The following KCNJ6 variants were observed in gnomAD, a reference collection of about 807,000 sequenced individuals.
The protein encoded by KCNJ6 is potassium inwardly rectifying channel subfamily J member 6, also known as G protein-activated inward rectifier potassium channel 2.
Under a neutral mutation model 34.2 loss-of-function variants are expected in KCNJ6, and 9 were observed. The ratio of observed to expected loss-of-function variants is 0.26; its 90% confidence interval spans 0.16 to 0.46. The LOEUF is 0.46. KCNJ6 is among the 20% of genes least tolerant of loss of function. The probability of loss-of-function intolerance (pLI) is 1.00; values close to 1 mark genes in which losing one functional copy is unlikely to be tolerated. For synonymous variants in KCNJ6, 196 were observed against 207.1 expected (o/e 0.95, Z 0.46); for missense variants, 236 against 531.3 (o/e 0.44, Z 5.46).
At chr21:37,641,389 G>C (rs76080449) in intron 3 of KCNJ6, among the ~76,000 whole-genome samples, 1 of 151,926 alleles carries the variant, frequency 6.6e-6, no homozygotes, top group African/African-American at 2.4e-5. Context: ...CTTGGCCCTC[G>C]GATTCATTGG....
intron 3 of KCNJ6, among the ~76,000 whole-genome samples, chr21:37,711,565 G>A (rs1189783049): frequency 6.6e-6 from 1 of 152,350 alleles, no homozygotes; most frequent in Middle Eastern, 3.4e-3. Context: ...TTCCTCGAGT[G>A]TGCATTTGGT....
intron 2 of KCNJ6, among the ~76,000 whole-genome samples, chr21:37,733,030 A>G (rs553813048): frequency 8.1e-4 from 124 of 152,332 alleles, no homozygotes; most frequent in Middle Eastern, 3.4e-3. Context: ...ATTTCTCTGC[A>G]TCATTTTCCC....
intron 2 of KCNJ6, among the ~76,000 whole-genome samples, chr21:37,822,809 AT>A (rs1221761960): frequency 2.0e-5 from 3 of 152,178 alleles, no homozygotes; most frequent in African/African-American, 7.2e-5. Flanking sequence ...TTTAATAAAT[AT>A]TTAGATTGGG....
intron 1 of KCNJ6, among the ~76,000 whole-genome samples, chr21:37,890,762 G>A (rs1262938315): frequency 2.6e-5 from 4 of 152,124 alleles, no homozygotes; most frequent in Admixed American, 2.0e-4. Context: ...ACAGACATGG[G>A]GAGTGCATCA....
intron 1 of KCNJ6, among the ~76,000 whole-genome samples, chr21:37,845,389 T>TGGC (rs1318586552): frequency 6.6e-6 from 1 of 152,144 alleles, no homozygotes; most frequent in South Asian, 2.1e-4. Flanking sequence ...GTAGAGAGAG[T>TGGC]GGCGGGGAGA....
intron 3 of KCNJ6, among the ~76,000 whole-genome samples, chr21:37,707,735 G>GTGTGTGTGTATATGTGTGCATGTGTATCC (rs1267356647): frequency 6.7e-6 from 1 of 149,680 alleles, no homozygotes; most frequent in Admixed American, 6.7e-5. Context: ...GTGTGTGTGT[G>GTGTGTGTGTATATGTGTGCATGTGTATCC]AATAATTTAC....
At chr21:37,794,191 T>C (rs1213354072) in intron 2 of KCNJ6, among the ~76,000 whole-genome samples, 1 of 152,232 alleles carries the variant, frequency 6.6e-6, no homozygotes, top group Non-Finnish European at 1.5e-5. Flanking sequence ...ACTTCACTGT[T>C]TTAAAGTGCT....
chr21:37,907,117 T>C (rs934971402), intron 1 of KCNJ6, among the ~76,000 whole-genome samples: 3 of 152,202 alleles, frequency 2.0e-5, no homozygotes, highest in Admixed American at 6.5e-5. Flanking sequence ...TGTAAGGTGA[T>C]GCAAAAACCT....
At chr21:37,885,256 C>T (rs2055729645) in intron 1 of KCNJ6, among the ~76,000 whole-genome samples, 1 of 152,088 alleles carries the variant, frequency 6.6e-6, no homozygotes, top group Non-Finnish European at 1.5e-5. Context: ...TGGTGGGGAG[C>T]AGAGGAAAGG....
intron 2 of KCNJ6, among the ~76,000 whole-genome samples, chr21:37,788,805 C>T (rs2123519661): frequency 6.6e-6 from 1 of 152,262 alleles, no homozygotes; most frequent in East Asian, 1.9e-4. Context: ...CCTGCCAAGA[C>T]TAGAAGAAGA....
intron 3 of KCNJ6, among the ~76,000 whole-genome samples, chr21:37,701,341 T>C (rs2054689796): frequency 6.6e-6 from 1 of 152,162 alleles, no homozygotes; most frequent in East Asian, 1.9e-4. Flanking sequence ...CCTGGAGTTA[T>C]TCCCATTGCC....
At chr21:37,847,599 T>A (rs1360708961) in intron 1 of KCNJ6, among the ~76,000 whole-genome samples, 1 of 152,244 alleles carries the variant, frequency 6.6e-6, no homozygotes, top group Non-Finnish European at 1.5e-5. Flanking sequence ...GCTTTACACC[T>A]GCCTTCAGAG....
chr21:37,770,550 G>A (rs2055113156), intron 2 of KCNJ6, among the ~76,000 whole-genome samples: 1 of 152,116 alleles, frequency 6.6e-6, no homozygotes, highest in South Asian at 2.1e-4. Flanking sequence ...GCATCTCTTA[G>A]TACTATCAAG....
intron 1 of KCNJ6, among the ~76,000 whole-genome samples, chr21:37,862,584 G>A (rs1432484322): frequency 1.3e-5 from 2 of 152,180 alleles, no homozygotes; most frequent in Non-Finnish European, 2.9e-5. Context: ...CTTCTATCTG[G>A]GCAGCCACCT....
chr21:37,810,445 CA>C (rs2055317071), intron 2 of KCNJ6, among the ~76,000 whole-genome samples: 1 of 152,170 alleles, frequency 6.6e-6, no homozygotes, highest in African/African-American at 2.4e-5. Context: ...AGGTTTGATC[CA>C]CATTGCCAAG....
chr21:37,803,493 A>G (rs560429349), intron 2 of KCNJ6, among the ~76,000 whole-genome samples: 5 of 152,326 alleles, frequency 3.3e-5, no homozygotes, highest in South Asian at 4.1e-4. Context: ...AGCATTTATC[A>G]TAATTCCTGA....
intron 3 of KCNJ6, among the ~76,000 whole-genome samples, chr21:37,707,739 A>ATGTGTGTGCATGTGTATCC (rs1556022161): frequency 2.9e-4 from 1 of 3,460 alleles, no homozygotes; most frequent in Non-Finnish European, 5.5e-4. Flanking sequence ...GTGTGTGAAT[A>ATGTGTGTGCATGTGTATCC]ATTTACATAG....
At chr21:37,818,217 T>TGTGC (rs1462745361) in intron 2 of KCNJ6, among the ~76,000 whole-genome samples, 8 of 34,404 alleles carry the variant, frequency 2.3e-4, no homozygotes, top group Non-Finnish European at 4.2e-4. Flanking sequence ...CGTGCGTGTG[T>TGTGC]GTGTGTGTGT....
chr21:37,663,684 A>G (rs1311108570), intron 3 of KCNJ6, among the ~76,000 whole-genome samples: 2 of 152,248 alleles, frequency 1.3e-5, no homozygotes, highest in African/African-American at 4.8e-5. Context: ...TCTACTCACC[A>G]GGAGAAGAAT....
Sources: allele counts gnomAD v4.1 joint callset (sites outside exome capture counted in the v4.1 genomes callset), GRCh38; gene constraint gnomAD v4.1.1; transcripts MANE v1.5; gene names NCBI Gene and HGNC (gene_info 2026-07-23, HGNC 2026-07-21).